The following GRAMD1B variants were observed in gnomAD, a reference collection of about 807,000 sequenced individuals.
GRAMD1B encodes the protein GRAM domain containing 1B.
GRAMD1B carries 37 observed loss-of-function variants against 99.7 expected under a neutral mutation model. The ratio of observed to expected loss-of-function variants is 0.37; its 90% confidence interval spans 0.29 to 0.49. The LOEUF (loss-of-function observed/expected upper bound fraction) is 0.49, where lower values mean the gene tolerates loss of function less well. Ranked by LOEUF, GRAMD1B falls within the 20% of genes least tolerant of loss-of-function variation. GRAMD1B has a pLI of 0.98. For synonymous variants in GRAMD1B, 427 were observed against 387.6 expected, an observed-to-expected ratio of 1.10 and a Z score of -1.19; for missense variants, 888 against 1,009.2, an observed-to-expected ratio of 0.88 and a Z score of 1.63.
Position 123,608,727 on chromosome 11 carries a change from G to A in GRAMD1B, c.1582G>A (p.Val528Met), listed in dbSNP as rs1262409324. 1.3e-6 allele frequency: 2 copies of A among 1,556,310 alleles called. No homozygotes were observed. The highest frequency in any genetic ancestry group is 1.7e-6 in the Non-Finnish European group (2 of 1,149,212). The change falls in exon 12 of 20, where the codon GTG becomes ATG. Residue 528 changes from valine (V) to methionine (M), a missense_variant. Physicochemically the swap from Val to Met is conservative, Grantham distance 21. Transcript: ENST00000635736. Reference protein sequence around the residue: ...QYVNEVFNFSVDKLYDLLFTN... With the variant: ...QYVNEVFNFSMDKLYDLLFTN... ...CGTGAATGAAGTCTTCAACTTCAGC[G>A]TGGACAAGCTCTATGACCTCCTCTT... is the stretch of plus-strand genomic sequence containing the variant.
chr11:123,513,596 T>TC (rs1405042719), intron 2 of GRAMD1B, among the ~76,000 whole-genome samples: 1,234 of 101,824 alleles, frequency 0.012, 34 homozygotes, highest in African/African-American at 0.048. Context: ...CTTCCTTCCT[T>TC]CCTTCCTTCC....
Position 123,612,876 on chromosome 11 carries a change from A to G in GRAMD1B, c.2023+12A>G. On this transcript the variant is annotated intron_variant, in intron 15 of 19. Transcript: ENST00000635736. ...CTTCCGCCATTTAGGTGAGCACTGCAATCCTTGCTGCTAGCTGGGCTGCAG... is the reference window on the plus strand; with the variant it reads ...CTTCCGCCATTTAGGTGAGCACTGCGATCCTTGCTGCTAGCTGGGCTGCAG... The G allele has an allele frequency of 6.8e-7, 1 of 1,466,604 alleles. No individual in the cohort carries two copies. The highest frequency in any genetic ancestry group is 9.5e-7 in the Non-Finnish European group (1 of 1,047,544). The allele number at this position is 1,466,604 out of a possible 1,614,324, so 90.8% of individuals were successfully genotyped here.
At chr11:123,550,708 C>G (rs1945523991) in intron 2 of GRAMD1B, among the ~76,000 whole-genome samples, 1 of 152,122 alleles carries the variant, frequency 6.6e-6, no homozygotes, top group South Asian at 2.1e-4. Flanking sequence ...AGACCTTAAT[C>G]CAGGATTAAG....
intron 9 of GRAMD1B, among the ~76,000 whole-genome samples, chr11:123,604,753 A>G (rs1952470099): frequency 6.6e-6 from 1 of 152,196 alleles, no homozygotes; most frequent in African/African-American, 2.4e-5. Flanking sequence ...TGATAGGCTG[A>G]TGATTGCTCC....
chr11:123,610,121 G>A lies in GRAMD1B; in HGVS notation c.1777-75G>A, dbSNP rs1218807158. ...AAGCCGTGGGGTGGGGTGGGCTTGG[G>A]GAGGCTGGAGAAGGTGCTTTTCCAA... On this transcript the variant is annotated intron_variant, in intron 13 of 19. Transcript: ENST00000635736. The surrounding 1 kb of genome is among the most constrained non-coding windows in gnomAD (Gnocchi z 4.1). 4.2e-6 allele frequency: 6 copies of A among 1,439,102 alleles called. No homozygotes were observed. The African/African-American group carries it at 4.2e-5, about 10-fold the overall frequency. The allele number at this position is 1,439,102 out of a possible 1,614,324, so 89.1% of individuals were successfully genotyped here. A position where few individuals can be genotyped will look rare whatever the true frequency, so the allele number is the denominator to read the frequency against.
chr11:123,551,837 C>CT (rs573525223), intron 2 of GRAMD1B, among the ~76,000 whole-genome samples: 67 of 152,300 alleles, frequency 4.4e-4, no homozygotes, highest in East Asian at 3.3e-3. Context: ...AGGTGAGACT[C>CT]TGAGTTCTGC....
rs368777511 is a variant in GRAMD1B at position 123,624,309 on chromosome 11, C to G, written c.*1714C>G. 1 of 152,154 alleles carries G rather than the reference C, an allele frequency of 6.6e-6. No homozygotes were observed. The highest frequency in any genetic ancestry group is 2.4e-5 in the African/African-American group (1 of 41,442). 9.4% of individuals were successfully genotyped at this position (152,154 alleles called of 1,614,324 possible). ...AAGTTGTATTTTTTTCTTAGAATGGCCTTTAATTCCCTGTGGCAATTACAG... is the reference window on the plus strand; with the variant it reads ...AAGTTGTATTTTTTTCTTAGAATGGGCTTTAATTCCCTGTGGCAATTACAG... On this transcript the variant is annotated 3_prime_UTR_variant, in exon 20 of 20. Coordinates refer to ENST00000635736, the MANE Select transcript of GRAMD1B (RefSeq NM_001387025.1).
chr11:123,371,000 T>C (rs1946510332), intron 1 of GRAMD1B, among the ~76,000 whole-genome samples: 1 of 151,628 alleles, frequency 6.6e-6, no homozygotes, highest in Non-Finnish European at 1.5e-5. Flanking sequence ...AACGATGAGA[T>C]AGAAGAAGAG....
intron 3 of GRAMD1B, 70 bp downstream of exon 3, chr11:123,577,647 C>T: frequency 3.4e-6 from 4 of 1,185,574 alleles, no homozygotes; most frequent in South Asian, 2.7e-5. Context: ...GGGTGGTGAG[C>T]CGGAGAACAT....
intron 2 of GRAMD1B, among the ~76,000 whole-genome samples, chr11:123,486,174 C>T (rs1030895683): frequency 2.0e-5 from 3 of 152,198 alleles, no homozygotes; most frequent in Non-Finnish European, 4.4e-5. Context: ...TAAATGGTAG[C>T]TGCTTGCACT....
At chr11:123,497,988 G>T (rs1939487942) in intron 2 of GRAMD1B, among the ~76,000 whole-genome samples, 1 of 151,238 alleles carries the variant, frequency 6.6e-6, no homozygotes, top group Non-Finnish European at 1.5e-5. Flanking sequence ...CCCCTTCCCG[G>T]CCAGAGGAGC....
chr11:123,605,926 T>A (rs1208770769), intron 10 of GRAMD1B, among the ~76,000 whole-genome samples: 1 of 152,216 alleles, frequency 6.6e-6, no homozygotes, highest in Non-Finnish European at 1.5e-5. Context: ...TGGTAGACTT[T>A]ATGGAAGCCA....
intron 2 of GRAMD1B, among the ~76,000 whole-genome samples, chr11:123,564,141 G>T (rs2136050000): frequency 6.6e-6 from 1 of 152,310 alleles, no homozygotes; most frequent in Non-Finnish European, 1.5e-5. Flanking sequence ...TAGTCTGACT[G>T]CCTCTTGAGG....
At chr11:123,488,673 C>T (rs532893743) in intron 2 of GRAMD1B, among the ~76,000 whole-genome samples, 368 of 140,014 alleles carry the variant, frequency 2.6e-3, no homozygotes, top group Admixed American at 8.6e-3. Flanking sequence ...TTTGGCCCTC[C>T]TCCTCCCCCG....
At position 123,608,807 on chromosome 11, in the gene GRAMD1B, G is replaced by T. The variant is rs369881891; in HGVS notation, c.1657+5G>T. ...TGGAGCAGCGGCGCTTCTCTGGTCC[G>T]TTCTGCTGGGACTGTACCCCCCATT... On this transcript the variant is annotated splice_donor_5th_base_variant and intron_variant, in intron 12 of 19. Coordinates refer to ENST00000635736, the MANE Select transcript of GRAMD1B (RefSeq NM_001387025.1). 2.6e-6 allele frequency: 4 copies of T among 1,528,192 alleles called. No homozygotes were observed. The African/African-American group carries it at 5.5e-5, about 21-fold the overall frequency. 94.7% of individuals were successfully genotyped at this position (1,528,192 alleles called of 1,614,324 possible). A position where few individuals can be genotyped will look rare whatever the true frequency, so the allele number is the denominator to read the frequency against.
chr11:123,447,900 GT>G (rs898808274), intron 1 of GRAMD1B, among the ~76,000 whole-genome samples: 1 of 151,680 alleles, frequency 6.6e-6, no homozygotes, highest in Non-Finnish European at 1.5e-5. Flanking sequence ...AACCTAGTTT[GT>G]TTTTTTTAAC....
chr11:123,618,407 C>A, intron 17 of GRAMD1B: 3 of 1,552,362 alleles, frequency 1.9e-6, no homozygotes, highest in Non-Finnish European at 2.7e-6. Flanking sequence ...TTCCTCCCCA[C>A]CGTACCTCTC....
Position 123,625,972 on chromosome 11 carries a change from G to C in GRAMD1B, c.*3377G>C, listed in dbSNP as rs200042417. On this transcript the variant is annotated 3_prime_UTR_variant, in exon 20 of 20. Transcript: ENST00000635736. Reference sequence around the variant, plus strand: ...AGAGAGAGAGAGAGAGAGAGAGAGAGAGAGAGAGATCGAGCTTGATGTATT... The same window carrying C: ...AGAGAGAGAGAGAGAGAGAGAGAGACAGAGAGAGATCGAGCTTGATGTATT... 9.5e-6 allele frequency: 1 copy of C among 105,226 alleles called. No homozygotes were observed. The highest frequency in any genetic ancestry group is 3.7e-4 in the South Asian group (1 of 2,692). The allele number at this position is 105,226 out of a possible 1,614,324, so 6.5% of individuals were successfully genotyped here.
chr11:123,389,211 C>T (rs533771222), intron 1 of GRAMD1B, among the ~76,000 whole-genome samples: 5 of 152,034 alleles, frequency 3.3e-5, no homozygotes, highest in East Asian at 1.9e-4. Context: ...GGTGAAACCC[C>T]GTCTTTACTA....
Sources: allele counts gnomAD v4.1 joint callset (sites outside exome capture counted in the v4.1 genomes callset), GRCh38; gene constraint gnomAD v4.1.1; non-coding constraint Gnocchi (gnomAD v3.1); transcripts MANE v1.5; gene names NCBI Gene and HGNC (gene_info 2026-07-23, HGNC 2026-07-21).